SEMA3E: variants seen among roughly 807,000 people sequenced by gnomAD.
SEMA3E encodes semaphorin-3E.
Under a neutral mutation model 93.6 loss-of-function variants are expected in SEMA3E, and 49 were observed. The observed-to-expected ratio is 0.52, with a 90% CI of 0.42 to 0.66. SEMA3E has a LOEUF of 0.66. Among genes scored for constraint, SEMA3E ranks in the 30% least tolerant of loss-of-function variants. The pLI is 0.00. For synonymous variants in SEMA3E, 363 were observed against 330.7 expected (o/e 1.10, Z -1.06); for missense variants, 906 against 964.8 (o/e 0.94, Z 0.81).
intron 1 of SEMA3E, among the ~76,000 whole-genome samples, chr7:83,509,530 G>GAAAAC (rs750481774): frequency 3.9e-5 from 6 of 152,164 alleles, no homozygotes; most frequent in African/African-American, 9.6e-5. Context: ...CCCCATGACA[G>GAAAAC]AAAACAAAAC....
intron 4 of SEMA3E, among the ~76,000 whole-genome samples, chr7:83,444,990 G>C (rs552235284): frequency 8.6e-4 from 130 of 151,850 alleles, no homozygotes; most frequent in Non-Finnish European, 1.5e-3. Context: ...CAAAACTATG[G>C]GGAAAACATG....
chr7:83,532,071 A>T (rs1791313342), intron 1 of SEMA3E, among the ~76,000 whole-genome samples: 1 of 152,202 alleles, frequency 6.6e-6, no homozygotes, highest in Admixed American at 6.5e-5. Context: ...TGTATAAATT[A>T]GGGAAACTTG....
chr7:83,541,444 G>A (rs112976349), intron 1 of SEMA3E, among the ~76,000 whole-genome samples: 4 of 152,178 alleles, frequency 2.6e-5, no homozygotes, highest in Admixed American at 6.5e-5. Context: ...GAGATGTTTC[G>A]CAGGGTGGAT....
intron 1 of SEMA3E, among the ~76,000 whole-genome samples, chr7:83,615,191 C>A (rs1429247409): frequency 1.3e-5 from 2 of 152,086 alleles, no homozygotes; most frequent in Non-Finnish European, 2.9e-5. Flanking sequence ...GTTTCTGGGG[C>A]AACTTTATAC....
At chr7:83,475,558 A>G (rs1197903361) in intron 2 of SEMA3E, among the ~76,000 whole-genome samples, 1 of 152,080 alleles carries the variant, frequency 6.6e-6, no homozygotes, top group Non-Finnish European at 1.5e-5. Context: ...GTATCCACTG[A>G]GTGCGGTGTC....
chr7:83,419,288 C>T (rs751378992), intron 4 of SEMA3E, among the ~76,000 whole-genome samples: 1 of 152,040 alleles, frequency 6.6e-6, no homozygotes, highest in African/African-American at 2.4e-5. Flanking sequence ...TTTCTTTATC[C>T]AGTCTAGCAT....
intron 5 of SEMA3E, among the ~76,000 whole-genome samples, chr7:83,411,120 C>T (rs1788431574): frequency 6.6e-6 from 1 of 151,954 alleles, no homozygotes; most frequent in African/African-American, 2.4e-5. Flanking sequence ...AACATTGTTT[C>T]AAAATTATCG....
chr7:83,384,713 A>T (rs1787845232), intron 16 of SEMA3E, among the ~76,000 whole-genome samples: 1 of 151,910 alleles, frequency 6.6e-6, no homozygotes, highest in South Asian at 2.1e-4. Flanking sequence ...CCATCTCTAC[A>T]AGCATCCAAG....
At chr7:83,648,275 G>A (rs1013902109) in intron 1 of SEMA3E, among the ~76,000 whole-genome samples, 153 bp downstream of exon 1, 6 of 151,868 alleles carry the variant, frequency 4.0e-5, no homozygotes, top group Non-Finnish European at 8.8e-5. Flanking sequence ...GAGGTACTTA[G>A]AATTTTAGGT....
chr7:83,515,293 G>GA (rs5885363), intron 1 of SEMA3E, among the ~76,000 whole-genome samples: 1,519 of 135,218 alleles, frequency 0.011, 11 homozygotes, highest in Non-Finnish European at 0.016. Context: ...CTTTTCTTAT[G>GA]AAAAAAAAAA....
intron 1 of SEMA3E, among the ~76,000 whole-genome samples, chr7:83,584,518 A>G (rs568237184): frequency 1.6e-3 from 249 of 152,290 alleles, no homozygotes; most frequent in African/African-American, 5.8e-3. Flanking sequence ...GTCAGTTTGT[A>G]TACTGGAAAA....
chr7:83,457,220 GAGAC>G (rs1242097587), intron 4 of SEMA3E, among the ~76,000 whole-genome samples: 10 of 149,874 alleles, frequency 6.7e-5, no homozygotes, highest in Admixed American at 4.0e-4. Flanking sequence ...CAGAATGACA[GAGAC>G]AGACAGAGAG....
intron 16 of SEMA3E, among the ~76,000 whole-genome samples, chr7:83,369,224 T>C (rs1185345601): frequency 6.6e-6 from 1 of 152,000 alleles, no homozygotes; most frequent in Non-Finnish European, 1.5e-5. Context: ...GTAGAGGCAA[T>C]AATTACAAAC....
At chr7:83,605,658 G>A (rs1451539154) in intron 1 of SEMA3E, among the ~76,000 whole-genome samples, 1 of 152,036 alleles carries the variant, frequency 6.6e-6, no homozygotes, top group Admixed American at 6.6e-5. Context: ...TCGAACTCCT[G>A]ACCTCAGGTG....
intron 1 of SEMA3E, among the ~76,000 whole-genome samples, chr7:83,591,705 A>G (rs1038515162): frequency 6.6e-6 from 1 of 152,082 alleles, no homozygotes; most frequent in Admixed American, 6.6e-5. Flanking sequence ...ATAAACACAT[A>G]AAACTTTTGC....
rs376068425 is a variant in SEMA3E, at chr7:83,596,054, C to A, written c.115+52374G>T. On this transcript the variant is annotated intron_variant, in intron 1 of 16. Coordinates refer to ENST00000643230, the MANE Select transcript of SEMA3E (RefSeq NM_012431.3). ...TTCTACATTTTTAATTGTAATTATTCTGTAAGGAAGAGTTGTCTCTTCTCT... is the reference window on the plus strand; with the variant it reads ...TTCTACATTTTTAATTGTAATTATTATGTAAGGAAGAGTTGTCTCTTCTCT... Among the ~76,000 whole-genome samples, 8 of 152,098 alleles carry A rather than the reference C, an allele frequency of 5.3e-5. No homozygotes were observed. In the East Asian group the frequency reaches 1.2e-3, roughly 22 times the overall value.
At chr7:83,575,913 A>C (rs996854658) in intron 1 of SEMA3E, among the ~76,000 whole-genome samples, 8 of 152,300 alleles carry the variant, frequency 5.3e-5, no homozygotes, top group African/African-American at 1.7e-4. Flanking sequence ...AAAACACAGT[A>C]AAGGTTTGTT....
intron 1 of SEMA3E, among the ~76,000 whole-genome samples, chr7:83,503,844 G>A (rs1440570535): frequency 6.6e-6 from 1 of 152,184 alleles, no homozygotes; most frequent in African/African-American, 2.4e-5. Context: ...CGTGGCACAA[G>A]ACTGTACTTA....
chr7:83,382,540 A>C (rs1584205798), intron 16 of SEMA3E, among the ~76,000 whole-genome samples: 1 of 151,998 alleles, frequency 6.6e-6, no homozygotes, highest in Non-Finnish European at 1.5e-5. Flanking sequence ...CAATAGGTAC[A>C]TATAAATAAT....
Sources: gnomAD v4.1 joint callset for allele counts (sites outside exome capture counted in the v4.1 genomes callset) on GRCh38, gnomAD v4.1.1 for gene constraint, MANE v1.5 for transcripts, NCBI Gene and HGNC (gene_info 2026-07-23, HGNC 2026-07-21) for gene names.